Variants in ADGRB3 observed in about 807,000 individuals in gnomAD.
ADGRB3 encodes the protein brain-specific angiogenesis inhibitor 3.
In ADGRB3, 37 loss-of-function variants were observed where a neutral mutation model predicts 193.4. The ratio of observed to expected loss-of-function variants is 0.19; its 90% CI spans 0.15 to 0.25. ADGRB3 has a LOEUF of 0.25. Ranked by LOEUF, ADGRB3 falls within the 10% of genes least tolerant of loss-of-function variation. The pLI is 1.00. For missense variants in ADGRB3, 1,637 were observed against 1,852.9 expected, an observed-to-expected ratio of 0.88 and a Z score of 2.14; for synonymous variants, 690 against 644.2, an observed-to-expected ratio of 1.07 and a Z score of -1.08.
At chr6:68,941,043 CAT>C (rs1184050566) in intron 5 of ADGRB3, among the ~76,000 whole-genome samples, 22 of 152,144 alleles carry the variant, frequency 1.4e-4, no homozygotes, top group Non-Finnish European at 2.4e-4. Flanking sequence ...CACAAAAAGA[CAT>C]ATAATAATAC....
chr6:69,388,739 T>A lies in ADGRB3; in HGVS notation c.4417T>A (p.Phe1473Ile). ...PAPNKNPWDT[F>I]KNPSEYPHYT... ...ACCAAACAAGAATCCATGGGACACT[T>A]TCAAAAACCCCAGTGAATACCCGCA... is the stretch of plus-strand genomic sequence containing the variant. The change falls in exon 32 of 32, where the codon TTC becomes ATC. Residue 1473 changes from phenylalanine (F) to isoleucine (I), a missense_variant. Phe to Ile is a conservative substitution (Grantham distance 21). Around this residue, in one of 7 missense-constraint regions of ADGRB3, gnomAD observed 368 missense variants for 367.4 expected, o/e 1.00. Coordinates refer to ENST00000370598, the MANE Select transcript of ADGRB3 (RefSeq NM_001704.3). 1 of 1,613,300 alleles carries A rather than the reference T, an allele frequency of 6.2e-7. No homozygotes were observed. Among genetic ancestry groups the A allele is most frequent in the Non-Finnish European group, 8.5e-7 (1 of 1,179,576 alleles).
rs577491218 is a variant in ADGRB3 at position 69,333,802 on chromosome 6, C to T, written c.3188+794C>T. On this transcript the variant is annotated intron_variant, in intron 24 of 31. Transcript: ENST00000370598. ...AAAATTAGCCGGGCGAGGTGGTGGG[C>T]GCCTGTAGTCCCAGCTACTCGGGAG... 4.6e-5 allele frequency among the ~76,000 whole-genome samples: 7 copies of T among 150,888 alleles called. No homozygotes were observed. In the East Asian group the frequency reaches 7.8e-4, roughly 17 times the overall value.
chr6:69,013,322 G>A (rs990995997), intron 11 of ADGRB3, among the ~76,000 whole-genome samples: 6 of 152,072 alleles, frequency 3.9e-5, no homozygotes, highest in Admixed American at 2.6e-4. Context: ...AAACCAATGG[G>A]CACTGCTAGG....
At chr6:68,999,152 C>T (rs757810130) in intron 11 of ADGRB3, among the ~76,000 whole-genome samples, 22 of 152,082 alleles carry the variant, frequency 1.4e-4, no homozygotes, top group Non-Finnish European at 2.6e-4. Flanking sequence ...TTTTGGAAAA[C>T]TAGTAGAACA....
At chr6:69,180,282 A>G (rs117576905) in intron 17 of ADGRB3, among the ~76,000 whole-genome samples, 7 of 152,340 alleles carry the variant, frequency 4.6e-5, no homozygotes, top group Non-Finnish European at 8.8e-5. Context: ...AGTTTGGGCA[A>G]ACAGGTGCTT....
intron 17 of ADGRB3, among the ~76,000 whole-genome samples, chr6:69,209,150 G>A (rs1765602614): frequency 2.0e-5 from 3 of 152,210 alleles, no homozygotes; most frequent in Non-Finnish European, 4.4e-5. Flanking sequence ...TGGCAGAGGA[G>A]TTTGCATAGC....
chr6:69,161,263 ACAGT>A (rs1461230170), intron 17 of ADGRB3, among the ~76,000 whole-genome samples: 1 of 152,128 alleles, frequency 6.6e-6, no homozygotes, highest in Non-Finnish European at 1.5e-5. Context: ...AGCTCATAAG[ACAGT>A]CAGTGGCTGC....
chr6:68,870,481 C>G (rs1765425756), intron 3 of ADGRB3, among the ~76,000 whole-genome samples: 1 of 152,224 alleles, frequency 6.6e-6, no homozygotes, highest in East Asian at 1.9e-4. Context: ...CTCCTATTAT[C>G]CTTTTTATCT....
At chr6:69,332,021 A>C in intron 23 of ADGRB3, 2 of 985,390 alleles carry the variant, frequency 2.0e-6, no homozygotes, top group Non-Finnish European at 2.4e-6. Flanking sequence ...CACCATCTTC[A>C]TTGGCAGCAG....
At chr6:69,161,537 T>C (rs1253134061) in intron 17 of ADGRB3, among the ~76,000 whole-genome samples, 1 of 152,160 alleles carries the variant, frequency 6.6e-6, no homozygotes, top group Non-Finnish European at 1.5e-5. Context: ...AGGTCTGTAA[T>C]GGATCTTAAC....
chr6:68,888,577 A>AT (rs780228072), intron 3 of ADGRB3, among the ~76,000 whole-genome samples: 4 of 151,760 alleles, frequency 2.6e-5, no homozygotes, highest in Non-Finnish European at 4.4e-5. Flanking sequence ...ACACACACAT[A>AT]AAAAAAACTC....
intron 3 of ADGRB3, among the ~76,000 whole-genome samples, chr6:68,788,123 T>A (rs143335593): frequency 0.038 from 5,714 of 152,258 alleles, 342 homozygotes; most frequent in African/African-American, 0.13. Flanking sequence ...ATTCATTAAT[T>A]TTTTGAAGGG....
intron 3 of ADGRB3, among the ~76,000 whole-genome samples, chr6:68,816,345 A>G (rs997719269): frequency 7.9e-6 from 1 of 127,322 alleles, no homozygotes; most frequent in African/African-American, 3.4e-5. Context: ...TGTTAAATGT[A>G]GAGTTATTAG....
chr6:69,349,754 T>C (rs1769183483), intron 26 of ADGRB3, among the ~76,000 whole-genome samples: 1 of 152,220 alleles, frequency 6.6e-6, no homozygotes, highest in Admixed American at 6.5e-5. Context: ...TAACTTTACT[T>C]ATTTTCCTGG....
intron 17 of ADGRB3, among the ~76,000 whole-genome samples, chr6:69,208,024 G>A (rs1333034999): frequency 6.6e-6 from 1 of 152,208 alleles, no homozygotes; most frequent in African/African-American, 2.4e-5. Context: ...CGAGGGCTCG[G>A]CGTTGGTCTC....
intron 17 of ADGRB3, among the ~76,000 whole-genome samples, chr6:69,142,564 A>G (rs1774368854): frequency 6.6e-6 from 1 of 152,164 alleles, no homozygotes; most frequent in Non-Finnish European, 1.5e-5. Context: ...GTTTTTGGTT[A>G]TAAGGTCAAG....
chr6:68,903,519 T>G (rs181776154), intron 3 of ADGRB3, among the ~76,000 whole-genome samples: 50 of 152,290 alleles, frequency 3.3e-4, no homozygotes, highest in Admixed American at 2.7e-3. Flanking sequence ...CCATCAGAAT[T>G]TTTTAAATAT....
At chr6:69,102,154 G>C (rs1488907726) in intron 17 of ADGRB3, among the ~76,000 whole-genome samples, 27 of 149,870 alleles carry the variant, frequency 1.8e-4, no homozygotes, top group Admixed American at 6.7e-4. Flanking sequence ...CTCCAGCCTG[G>C]GCGACAGAGC....
At chr6:69,260,862 T>A (rs905650805) in intron 20 of ADGRB3, among the ~76,000 whole-genome samples, 3 of 152,184 alleles carry the variant, frequency 2.0e-5, no homozygotes, top group Non-Finnish European at 4.4e-5. Flanking sequence ...AGGAATTGTT[T>A]TGTTTATTAT....
Sources: gnomAD v4.1 joint callset for allele counts (sites outside exome capture counted in the v4.1 genomes callset) on GRCh38, gnomAD v4.1.1 for gene constraint, gnomAD v4.1.1 regional missense constraint, MANE v1.5 for transcripts, NCBI Gene and HGNC (gene_info 2026-07-23, HGNC 2026-07-21) for gene names.